SRPK2: variants seen among roughly 807,000 people sequenced by gnomAD.
The protein encoded by SRPK2 is SRSF protein kinase 2, also known as SFRS protein kinase 2.
Under a neutral mutation model 90.8 loss-of-function variants are expected in SRPK2, and 21 were observed. The observed-to-expected ratio is 0.23, with a 90% CI of 0.16 to 0.33. The LOEUF (loss-of-function observed/expected upper bound fraction) is 0.33, where lower values mean the gene tolerates loss of function less well. Ranked by LOEUF, SRPK2 falls within the 10% of genes least tolerant of loss-of-function variation. The pLI, the probability that SRPK2 is intolerant of heterozygous loss-of-function variation, is 1.00. For synonymous variants in SRPK2, 288 were observed against 311.1 expected (o/e 0.93, Z 0.78); for missense variants, 620 against 869.0 (o/e 0.71, Z 3.60).
At chr7:105,133,606 C>T (rs1301876983) in intron 11 of SRPK2, among the ~76,000 whole-genome samples, 2 of 152,250 alleles carry the variant, frequency 1.3e-5, no homozygotes, top group Non-Finnish European at 2.9e-5. Context: ...CTCACACCCA[C>T]ATCATCCCCT....
intron 3 of SRPK2, among the ~76,000 whole-genome samples, chr7:105,170,891 G>GGAGAA (rs1790872705): frequency 1.2e-5 from 1 of 85,494 alleles, no homozygotes; most frequent in Non-Finnish European, 2.6e-5. Flanking sequence ...AAGAAAGAAA[G>GGAGAA]AAAGAAAGAA....
rs189313164 is a variant in SRPK2, at chr7:105,277,170, G to A, written c.72-73385C>T. ...CCGCTCACTGCAAGCTCCGCCTCCC[G>A]GGTTCACACCAGTCTCCTGTCTCAG... is the stretch of plus-strand genomic sequence containing the variant. On this transcript the variant is annotated intron_variant, in intron 2 of 15. Transcript: ENST00000393651. 3.6e-3 allele frequency among the ~76,000 whole-genome samples: 549 copies of A among 152,080 alleles called. 3 individuals are homozygous for A. Among genetic ancestry groups the A allele is most frequent in the Middle Eastern group, 0.01 (3 of 294 alleles).
Position 105,142,174 on chromosome 7 carries a change from T to G in SRPK2, c.1377A>C (p.Ser459=). 1 of 1,614,168 alleles carries G rather than the reference T, an allele frequency of 6.2e-7. No homozygotes were observed. The highest frequency in any genetic ancestry group is 8.5e-7 in the Non-Finnish European group (1 of 1,180,024). The change falls in exon 11 of 16, where the codon TCA becomes TCC. Residue 459 remains serine, a synonymous_variant. Coordinates refer to ENST00000393651, the MANE Select transcript of SRPK2 (RefSeq NM_182692.3). ...LPNGRHKIPE[S]QFPEFSTSLF... ...ACGAGGTGGAAAACTCTGGGAACTG[T>G]GACTCGGGAATTTTATGTCGTCCAT... is the stretch of plus-strand genomic sequence containing the variant.
chr7:105,140,498 G>C (rs1321101941), intron 11 of SRPK2, among the ~76,000 whole-genome samples: 1 of 151,798 alleles, frequency 6.6e-6, no homozygotes, highest in Non-Finnish European at 1.5e-5. Context: ...CTGCTCGGGA[G>C]ACTGAGGCAG....
intron 2 of SRPK2, chr7:105,297,459 T>C (rs1002355726): frequency 5.1e-6 from 5 of 985,298 alleles, no homozygotes; most frequent in Admixed American, 6.1e-5. Context: ...ACACATTGGC[T>C]TTCCCTGATA....
chr7:105,396,777 AG>A (rs1822336984), intron 1 of SRPK2, among the ~76,000 whole-genome samples: 9 of 122,734 alleles, frequency 7.3e-5, no homozygotes, highest in African/African-American at 3.1e-4. Flanking sequence ...AGAAAGAAAG[AG>A]AGAGAAAGAA....
At chr7:105,366,141 C>A (rs1248242139) in intron 2 of SRPK2, among the ~76,000 whole-genome samples, 2 of 152,072 alleles carry the variant, frequency 1.3e-5, no homozygotes, top group Middle Eastern at 3.2e-3. Flanking sequence ...GCATGAGCCA[C>A]CGCACCCGGC....
intron 2 of SRPK2, among the ~76,000 whole-genome samples, chr7:105,210,590 GCAATGACCCT>G (rs919154872): frequency 6.6e-6 from 1 of 152,156 alleles, no homozygotes; most frequent in Non-Finnish European, 1.5e-5. Context: ...ACCTAAATGT[GCAATGACCCT>G]CAATGACCCT....
chr7:105,383,999 TTC>T (rs1821254081), intron 2 of SRPK2, among the ~76,000 whole-genome samples: 1 of 152,164 alleles, frequency 6.6e-6, no homozygotes, highest in Non-Finnish European at 1.5e-5. Context: ...AATATGGAGT[TTC>T]TTTCTGGGGA....
chr7:105,228,532 T>G (rs1799004460), intron 2 of SRPK2, among the ~76,000 whole-genome samples: 2 of 152,222 alleles, frequency 1.3e-5, no homozygotes, highest in South Asian at 2.1e-4. Context: ...TTAAAAAAAG[T>G]TTTTGGAGAC....
rs117010193 is a variant in SRPK2 at position 105,325,759 on chromosome 7, C to A, written c.71+62889G>T. ...GTCACAGCTACCTGGGATACTGATGCAGGGGGATCACCTGAGCCCAGGAGG... is the reference window on the plus strand; with the variant it reads ...GTCACAGCTACCTGGGATACTGATGAAGGGGGATCACCTGAGCCCAGGAGG... On this transcript the variant is annotated intron_variant, in intron 2 of 15. Transcript: ENST00000393651. 1.7e-3 allele frequency among the ~76,000 whole-genome samples: 254 copies of A among 152,248 alleles called. 2 individuals carry two copies. Among genetic ancestry groups the A allele is most frequent in the Non-Finnish European group, 3.2e-3 (215 of 68,014 alleles).
chr7:105,331,999 A>G (rs971761542), intron 2 of SRPK2, among the ~76,000 whole-genome samples: 1 of 152,156 alleles, frequency 6.6e-6, no homozygotes, highest in African/African-American at 2.4e-5. Flanking sequence ...TTTCTAAAAG[A>G]AAAAAAGAAC....
intron 2 of SRPK2, among the ~76,000 whole-genome samples, chr7:105,302,647 T>C (rs1179632943): frequency 6.6e-6 from 1 of 152,202 alleles, no homozygotes; most frequent in African/African-American, 2.4e-5. Flanking sequence ...GGTGAACTGC[T>C]TCCCTTTAAT....
intron 3 of SRPK2, among the ~76,000 whole-genome samples, chr7:105,181,881 T>TAAAAAAAAAAAAAA (rs755821029): frequency 3.5e-5 from 3 of 84,834 alleles, no homozygotes; most frequent in Non-Finnish European, 5.3e-5. Flanking sequence ...AAGATAAAAG[T>TAAAAAAAAAAAAAA]AAAAAAAAAA....
At chr7:105,327,584 A>T (rs994309223) in intron 2 of SRPK2, among the ~76,000 whole-genome samples, 1 of 152,178 alleles carries the variant, frequency 6.6e-6, no homozygotes, top group Non-Finnish European at 1.5e-5. Context: ...TTTGAGATGA[A>T]TTAATTGTTA....
chr7:105,228,408 G>A (rs1181178994), intron 2 of SRPK2, among the ~76,000 whole-genome samples: 1 of 152,198 alleles, frequency 6.6e-6, no homozygotes, highest in Non-Finnish European at 1.5e-5. Context: ...AAGAGAAATT[G>A]CTGAAATTCC....
chr7:105,345,948 A>G (rs1031716236), intron 2 of SRPK2, among the ~76,000 whole-genome samples: 2 of 152,258 alleles, frequency 1.3e-5, no homozygotes, highest in Admixed American at 6.5e-5. Context: ...ATAATCACAG[A>G]AAGTTCTGTT....
chr7:105,335,350 T>C (rs537414038), intron 2 of SRPK2, among the ~76,000 whole-genome samples: 21 of 152,026 alleles, frequency 1.4e-4, no homozygotes, highest in South Asian at 2.1e-4. Flanking sequence ...TTATCAAAAA[T>C]CAACTCATAG....
chr7:105,352,236 T>TCC (rs1817280122), intron 2 of SRPK2, among the ~76,000 whole-genome samples: 1 of 152,190 alleles, frequency 6.6e-6, no homozygotes, highest in Non-Finnish European at 1.5e-5. Flanking sequence ...ACCTGAACTC[T>TCC]CCCTTGAGTG....
Sources: gnomAD v4.1 joint callset for allele counts (sites outside exome capture counted in the v4.1 genomes callset) on GRCh38, gnomAD v4.1.1 for gene constraint, MANE v1.5 for transcripts, NCBI Gene and HGNC (gene_info 2026-07-23, HGNC 2026-07-21) for gene names.